SPATA13: variants seen among roughly 807,000 people sequenced by gnomAD.
SPATA13 encodes the protein spermatogenesis associated 13, also known as spermatogenesis-associated protein 13.
Under a neutral mutation model 104.0 loss-of-function variants are expected in SPATA13, and 50 were observed. That is an observed-to-expected ratio of 0.48 (90% CI 0.38 to 0.61). The LOEUF is 0.61. SPATA13 is among the 20% of genes least tolerant of loss of function. SPATA13 has a pLI of 0.00. For synonymous variants in SPATA13, 606 were observed against 667.5 expected, an observed-to-expected ratio of 0.91 and a Z score of 1.42; for missense variants, 1,524 against 1,690.6, an observed-to-expected ratio of 0.90 and a Z score of 1.73.
chr13:24,173,512 T>C (rs61484696), intron 1 of SPATA13, among the ~76,000 whole-genome samples: 9,896 of 84,302 alleles, frequency 0.12, 508 homozygotes, highest in East Asian at 0.35. Flanking sequence ...GTCCCCCAAC[T>C]TTTTTTTTTT....
intron 10 of SPATA13, 46 bp from the exon 11 acceptor site, chr13:24,297,317 C>T (rs748140480): frequency 5.8e-6 from 9 of 1,559,160 alleles, no homozygotes; most frequent in East Asian, 4.5e-5. Flanking sequence ...AGGACTACAG[C>T]TGTGGTAGAA....
At chr13:24,114,733 G>A (rs1360433892) in intron 3 of SPATA13, among the ~76,000 whole-genome samples, 1 of 152,026 alleles carries the variant, frequency 6.6e-6, no homozygotes, top group East Asian at 1.9e-4. Context: ...CACGATCTTG[G>A]CTCACCACAA....
intron 3 of SPATA13, among the ~76,000 whole-genome samples, chr13:24,086,610 G>T (rs2137785223): frequency 6.6e-6 from 1 of 152,312 alleles, no homozygotes; most frequent in South Asian, 2.1e-4. Context: ...GCAAGGATGA[G>T]TTCAAGGGCA....
At chr13:24,131,979 C>A (rs1437915868) in intron 3 of SPATA13, among the ~76,000 whole-genome samples, 1 of 152,204 alleles carries the variant, frequency 6.6e-6, no homozygotes, top group African/African-American at 2.4e-5. Context: ...CCCTGACTCC[C>A]TTGCAGCTAG....
chr13:24,045,897 A>G (rs75425158), intron 3 of SPATA13, among the ~76,000 whole-genome samples: 1 of 152,146 alleles, frequency 6.6e-6, no homozygotes, highest in Non-Finnish European at 1.5e-5. Context: ...CATTTCCCTA[A>G]TCTGGAGAAT....
At chr13:24,247,758 C>T (rs752947239) in intron 2 of SPATA13, among the ~76,000 whole-genome samples, 2 of 152,110 alleles carry the variant, frequency 1.3e-5, no homozygotes, top group African/African-American at 2.4e-5. Flanking sequence ...GCTGGGATTA[C>T]GGACGTGAGC....
chr13:24,194,959 A>G (rs1004366083), intron 1 of SPATA13, among the ~76,000 whole-genome samples: 1 of 152,236 alleles, frequency 6.6e-6, no homozygotes, highest in Non-Finnish European at 1.5e-5. Context: ...TTATTAAGAT[A>G]CAATTTAAAT....
chr13:24,144,923 T>G (rs753582518), intron 3 of SPATA13, among the ~76,000 whole-genome samples: 48 of 152,176 alleles, frequency 3.2e-4, no homozygotes, highest in South Asian at 6.2e-4. Flanking sequence ...AATCCTTCAT[T>G]ACTTCCAAAT....
At chr13:24,040,272 T>C (rs1877868563) in intron 3 of SPATA13, among the ~76,000 whole-genome samples, 1 of 152,202 alleles carries the variant, frequency 6.6e-6, no homozygotes, top group South Asian at 2.1e-4. Context: ...CATCCAGCTC[T>C]GGACAAAGGC....
chr13:24,132,611 A>G (rs1325765872), intron 3 of SPATA13, among the ~76,000 whole-genome samples: 1 of 152,260 alleles, frequency 6.6e-6, no homozygotes, highest in African/African-American at 2.4e-5. Context: ...AGGTAAAGAA[A>G]GGGGTTAATT....
intron 3 of SPATA13, among the ~76,000 whole-genome samples, chr13:24,112,706 A>G (rs113898401): frequency 2.6e-5 from 4 of 152,298 alleles, no homozygotes; most frequent in African/African-American, 7.2e-5. Context: ...GTCTTCATCT[A>G]CTTTCTCAGT....
chr13:24,197,058 CA>C (rs1870096518), intron 1 of SPATA13, among the ~76,000 whole-genome samples: 2 of 152,066 alleles, frequency 1.3e-5, no homozygotes, highest in African/African-American at 4.8e-5. Flanking sequence ...AGCAGGTGGC[CA>C]AATAACAACC....
chr13:24,255,217 A>G (rs1873726438), intron 4 of SPATA13, among the ~76,000 whole-genome samples: 1 of 152,114 alleles, frequency 6.6e-6, no homozygotes, highest in Non-Finnish European at 1.5e-5. Context: ...CACCAGGCTG[A>G]TGGTAGGAGT....
intron 1 of SPATA13, among the ~76,000 whole-genome samples, chr13:24,172,471 A>G (rs1883014418): frequency 6.6e-6 from 1 of 152,168 alleles, no homozygotes; most frequent in African/African-American, 2.4e-5. Context: ...GTTTTTTTCT[A>G]AAACGTTCGT....
At chr13:24,044,973 C>G (rs1445258530) in intron 3 of SPATA13, among the ~76,000 whole-genome samples, 2 of 152,088 alleles carry the variant, frequency 1.3e-5, no homozygotes, top group Admixed American at 1.3e-4. Flanking sequence ...AAGTTGTGAG[C>G]CTTTTAAAAT....
At chr13:24,018,083 C>T (rs1235291969) in intron 3 of SPATA13, among the ~76,000 whole-genome samples, 1 of 152,116 alleles carries the variant, frequency 6.6e-6, no homozygotes, top group Non-Finnish European at 1.5e-5. Context: ...CACCTTACAC[C>T]CGTGGAAAAC....
intron 2 of SPATA13, among the ~76,000 whole-genome samples, chr13:24,244,413 T>A (rs1311578777): frequency 1.2e-4 from 18 of 152,248 alleles, no homozygotes. Flanking sequence ...ATTTTTCCTC[T>A]GGTTAATAGT....
rs1479592744 is a variant in SPATA13, at chr13:24,223,028, C to T, written c.99C>T (p.Gly33=). The T allele has an allele frequency of 6.4e-7, 1 of 1,551,702 alleles. No individual in the cohort carries two copies. Among genetic ancestry groups the T allele is most frequent in the East Asian group, 2.4e-5 (1 of 40,914 alleles). Reference sequence around the variant, plus strand: ...CAGGCCCCGCAGCCCCCTGTGCAGGCTCGGACCTGAAAGACGCCAAGATGG... The same window carrying T: ...CAGGCCCCGCAGCCCCCTGTGCAGGTTCGGACCTGAAAGACGCCAAGATGG... ...LGPGPAAPCA[G]SDLKDAKMVT... The change falls in exon 2 of 13, where the codon GGC becomes GGT. Residue 33 remains glycine, a synonymous_variant. Coordinates refer to ENST00000382108, the MANE Select transcript of SPATA13 (RefSeq NM_001166271.3).
chr13:24,217,701 C>T (rs1871333839), intron 1 of SPATA13, among the ~76,000 whole-genome samples: 1 of 152,196 alleles, frequency 6.6e-6, no homozygotes, highest in Admixed American at 6.5e-5. Context: ...CAGGAAGTTG[C>T]TACCAGCCCC....
Sources: allele counts gnomAD v4.1 joint callset (sites outside exome capture counted in the v4.1 genomes callset), GRCh38; gene constraint gnomAD v4.1.1; transcripts MANE v1.5; gene names NCBI Gene and HGNC (gene_info 2026-07-23, HGNC 2026-07-21).